OSBPL10: variants seen among roughly 807,000 people sequenced by gnomAD.
OSBPL10 encodes the protein oxysterol binding protein like 10, also known as oxysterol-binding protein-related protein 10.
Under a neutral mutation model 81.7 loss-of-function variants are expected in OSBPL10, and 49 were observed. The observed-to-expected ratio is 0.60, with a 90% CI of 0.48 to 0.76. OSBPL10 has a LOEUF of 0.76. Ranked by LOEUF, OSBPL10 falls within the 30% of genes least tolerant of loss-of-function variation. The probability of loss-of-function intolerance (pLI) is 0.00; values close to 1 mark genes in which losing one functional copy is unlikely to be tolerated. For missense variants in OSBPL10, 923 were observed against 987.8 expected (o/e 0.93, Z 0.88); for synonymous variants, 419 against 383.6 (o/e 1.09, Z -1.08).
At chr3:31,985,163 C>G (rs1698917449), upstream of OSBPL10, among the ~76,000 whole-genome samples, 1 of 152,180 alleles carries the variant, frequency 6.6e-6, no homozygotes, top group African/African-American at 2.4e-5. Context: ...CGCTTGAACC[C>G]AGAAGGCAGA....
chr3:31,978,163 GCA>G (rs1227497292), intron 1 of OSBPL10, among the ~76,000 whole-genome samples: 5 of 152,190 alleles, frequency 3.3e-5, no homozygotes, highest in Non-Finnish European at 5.9e-5. Flanking sequence ...CTGGTGAAGA[GCA>G]CTACAATTGC....
intron 5 of OSBPL10, among the ~76,000 whole-genome samples, chr3:31,742,225 G>A (rs762746701): frequency 6.6e-6 from 1 of 152,188 alleles, no homozygotes; most frequent in Non-Finnish European, 1.5e-5. Context: ...ATACAAGTCT[G>A]AAGAGGTCTC....
At chr3:31,798,280 A>G (rs777222717) in intron 4 of OSBPL10, among the ~76,000 whole-genome samples, 1 of 152,074 alleles carries the variant, frequency 6.6e-6, no homozygotes, top group Non-Finnish European at 1.5e-5. Context: ...AAACATAAAA[A>G]TTAGCTGGGC....
At chr3:31,899,456 GCA>G (rs1696169719) in intron 1 of OSBPL10, among the ~76,000 whole-genome samples, 1 of 152,130 alleles carries the variant, frequency 6.6e-6, no homozygotes, top group Admixed American at 6.5e-5. Context: ...GGTTACAATG[GCA>G]CAAACATGTC....
At chr3:31,938,945 A>T (rs912154096) in intron 1 of OSBPL10, among the ~76,000 whole-genome samples, 2 of 151,750 alleles carry the variant, frequency 1.3e-5, no homozygotes, top group African/African-American at 4.8e-5. Context: ...CCTCAAACTC[A>T]CCTTCATCTG....
chr3:31,808,358 A>C (rs1417077675), intron 4 of OSBPL10, among the ~76,000 whole-genome samples: 2 of 152,236 alleles, frequency 1.3e-5, no homozygotes, highest in East Asian at 3.8e-4. Flanking sequence ...GTCAGGTGTC[A>C]TGTTGGGAGA....
At chr3:31,947,906 C>T (rs1308674766) in intron 1 of OSBPL10, among the ~76,000 whole-genome samples, 2 of 152,132 alleles carry the variant, frequency 1.3e-5, no homozygotes, top group Admixed American at 1.3e-4. Context: ...CCGTCTGATC[C>T]CACAAAAAGC....
intron 4 of OSBPL10, among the ~76,000 whole-genome samples, chr3:31,813,005 TAA>T (rs1699748606): frequency 6.6e-6 from 1 of 152,268 alleles, no homozygotes; most frequent in East Asian, 1.9e-4. Flanking sequence ...ACAACCAGCA[TAA>T]GTCACATATT....
intron 8 of OSBPL10, among the ~76,000 whole-genome samples, chr3:31,678,831 T>TGTGTGTGTGTG (rs1700561643): frequency 7.8e-6 from 1 of 127,776 alleles, no homozygotes; most frequent in Non-Finnish European, 1.7e-5. Context: ...TGTGTGTGTG[T>TGTGTGTGTGTG]AGGAGGGAAG....
At chr3:31,674,596 T>TAGAC (rs1700410888) in intron 8 of OSBPL10, among the ~76,000 whole-genome samples, 1 of 53,888 alleles carries the variant, frequency 1.9e-5, no homozygotes, top group South Asian at 5.0e-4. Flanking sequence ...GATAGATAGA[T>TAGAC]AGATAGATAG....
At chr3:31,683,542 C>A (rs1032662157) in intron 8 of OSBPL10, 92 bp downstream of exon 8, 77 of 1,501,796 alleles carry the variant, frequency 5.1e-5, no homozygotes, top group Non-Finnish European at 6.6e-5. Flanking sequence ...ACAACAACAA[C>A]AAAAAACTCC....
intron 4 of OSBPL10, among the ~76,000 whole-genome samples, chr3:31,769,948 T>C (rs79975833): frequency 0.065 from 9,821 of 152,142 alleles, 677 homozygotes; most frequent in African/African-American, 0.18. Context: ...CTCAATGGGT[T>C]TTTCAAGGGG....
At chr3:31,668,305 T>C (rs959096199) in intron 10 of OSBPL10, among the ~76,000 whole-genome samples, 4 of 152,214 alleles carry the variant, frequency 2.6e-5, no homozygotes, top group African/African-American at 9.6e-5. Context: ...TAGTATCTTA[T>C]TGACTCACTG....
intron 2 of OSBPL10, chr3:31,989,450 A>G (rs762465332): frequency 1.9e-6 from 3 of 1,614,128 alleles, no homozygotes; most frequent in Non-Finnish European, 2.5e-6. Flanking sequence ...AGAAATAGCC[A>G]TGAAGCAACT....
intron 7 of OSBPL10, among the ~76,000 whole-genome samples, chr3:31,698,836 T>C (rs1378623156): frequency 2.0e-5 from 3 of 152,202 alleles, no homozygotes; most frequent in African/African-American, 7.2e-5. Flanking sequence ...GTCCCACCAC[T>C]AGCTACCCTC....
chr3:31,733,391 C>A lies in OSBPL10; in HGVS notation c.961G>T (p.Gly321Trp). Reference sequence around the variant, plus strand: ...TGCTCTGTGGAATGTGACTTGGACCCGTGCCATCCCAGGATGTTTTCTGAA... The same window carrying A: ...TGCTCTGTGGAATGTGACTTGGACCAGTGCCATCCCAGGATGTTTTCTGAA... ...GASENILGWH[G>W]SKSHSTEQLK... Residue 321 changes from glycine to tryptophan, a missense_variant, in exon 6 of 12, where the codon GGG (glycine) becomes TGG (tryptophan). Around this residue, in one of 3 missense-constraint regions of OSBPL10, gnomAD observed 514 missense variants for 508.0 expected, o/e 1.01. Transcript: ENST00000396556. 6.2e-7 allele frequency: 1 copy of A among 1,614,104 alleles called. No individual in the cohort carries two copies. Among genetic ancestry groups the A allele is most frequent in the Non-Finnish European group, 8.5e-7 (1 of 1,180,018 alleles).
intron 1 of OSBPL10, among the ~76,000 whole-genome samples, chr3:31,905,802 AT>A (rs990495253): frequency 7.2e-5 from 11 of 152,086 alleles, no homozygotes; most frequent in Non-Finnish European, 1.3e-4. Flanking sequence ...AGAAAAAAAA[AT>A]ATAAGACTTC....
At chr3:31,726,199 C>G (rs1696802734) in intron 6 of OSBPL10, among the ~76,000 whole-genome samples, 1 of 152,148 alleles carries the variant, frequency 6.6e-6, no homozygotes, top group Admixed American at 6.5e-5. Context: ...AATCCAGTGA[C>G]CCACCACCAG....
intron 1 of OSBPL10, among the ~76,000 whole-genome samples, chr3:31,930,799 G>A (rs1697217747): frequency 6.6e-6 from 1 of 151,722 alleles, no homozygotes; most frequent in South Asian, 2.1e-4. Flanking sequence ...TAGATCACGA[G>A]GTCAGGAGAT....
Sources: allele counts gnomAD v4.1 joint callset (sites outside exome capture counted in the v4.1 genomes callset), GRCh38; gene constraint gnomAD v4.1.1; regional missense constraint gnomAD v4.1.1; transcripts MANE v1.5; gene names NCBI Gene and HGNC (gene_info 2026-07-23, HGNC 2026-07-21).